ST6GALNAC3: variants seen among roughly 807,000 people sequenced by gnomAD.
ST6GALNAC3 encodes the protein alpha-N-acetylgalactosaminide alpha-2,6-sialyltransferase 3.
Under a neutral mutation model 32.7 loss-of-function variants are expected in ST6GALNAC3, and 25 were observed. The ratio of observed to expected loss-of-function variants is 0.76; its 90% confidence interval spans 0.56 to 1.07. ST6GALNAC3 has a LOEUF of 1.07. ST6GALNAC3 is among the 50% of genes least tolerant of loss of function. The probability of loss-of-function intolerance (pLI) is 0.00; values close to 1 mark genes in which losing one functional copy is unlikely to be tolerated. For missense variants in ST6GALNAC3, 355 were observed against 382.4 expected (o/e 0.93, Z 0.60); for synonymous variants, 129 against 133.1 (o/e 0.97, Z 0.21).
chr1:76,413,462 A>C lies in ST6GALNAC3; in HGVS notation c.623+1045A>C, dbSNP rs540697071. Among the ~76,000 whole-genome samples the C allele has an allele frequency of 1.3e-5, 2 of 152,296 alleles. 1 individual carries two copies. The highest frequency in any genetic ancestry group is 4.1e-4 in the South Asian group (2 of 4,832). On this transcript the variant is annotated intron_variant, in intron 3 of 4. Transcript: ENST00000328299. ...TGTATTTCACTATTCAATATTATCA[A>C]ATCTAAGCTTTTAACTATATTGAGC...
intron 3 of ST6GALNAC3, among the ~76,000 whole-genome samples, chr1:76,496,957 G>C (rs72678076): frequency 0.14 from 20,631 of 152,166 alleles, 1,983 homozygotes; most frequent in South Asian, 0.38. Context: ...CTGCCCTCTG[G>C]CTTCTTCAAA....
At chr1:76,109,875 G>A (rs1040651696) in intron 1 of ST6GALNAC3, among the ~76,000 whole-genome samples, 1 of 152,152 alleles carries the variant, frequency 6.6e-6, no homozygotes, top group African/African-American at 2.4e-5. Flanking sequence ...GTTTAGGTTT[G>A]CCCTTCTATT....
At chr1:76,398,323 T>G (rs1022026093) in intron 2 of ST6GALNAC3, among the ~76,000 whole-genome samples, 11 of 152,204 alleles carry the variant, frequency 7.2e-5, no homozygotes, top group Non-Finnish European at 1.5e-4. Flanking sequence ...ATATTTGTCA[T>G]AGAACACTGT....
intron 2 of ST6GALNAC3, among the ~76,000 whole-genome samples, chr1:76,323,248 A>G (rs1398109651): frequency 6.6e-6 from 1 of 152,222 alleles, no homozygotes; most frequent in Non-Finnish European, 1.5e-5. Flanking sequence ...CAAAAATAAA[A>G]TATCTCTGAA....
chr1:76,524,158 A>G (rs1228935870), intron 3 of ST6GALNAC3, among the ~76,000 whole-genome samples: 2 of 152,152 alleles, frequency 1.3e-5, no homozygotes, highest in African/African-American at 2.4e-5. Flanking sequence ...AAGCCTGCCA[A>G]TCTGTTCTTA....
chr1:76,224,814 C>G (rs936876246), intron 1 of ST6GALNAC3, among the ~76,000 whole-genome samples: 2 of 152,162 alleles, frequency 1.3e-5, no homozygotes, highest in Non-Finnish European at 2.9e-5. Context: ...CACCAAGTGA[C>G]TTTGGCAGGT....
chr1:76,149,243 G>A (rs1379974771), intron 1 of ST6GALNAC3, among the ~76,000 whole-genome samples: 2 of 152,128 alleles, frequency 1.3e-5, no homozygotes, highest in African/African-American at 4.8e-5. Context: ...GACATGTGGG[G>A]TTTTTCCTTA....
Position 76,572,942 on chromosome 1 carries a change from T to C in ST6GALNAC3, c.624-54510T>C, listed in dbSNP as rs563106089. ...TCACTAAGGACGAAAATGAAATTGC[T>C]TGTCTTATCAGTTAAAGGGAAGCTT... On this transcript the variant is annotated intron_variant, in intron 3 of 4. Coordinates refer to ENST00000328299, the MANE Select transcript of ST6GALNAC3 (RefSeq NM_152996.4). Among the ~76,000 whole-genome samples, 6 of 152,278 alleles carry C rather than the reference T, an allele frequency of 3.9e-5. No homozygotes were observed. In the South Asian group the frequency reaches 1.2e-3, roughly 32 times the overall value.
chr1:76,089,099 G>A (rs1178647656), intron 1 of ST6GALNAC3, among the ~76,000 whole-genome samples: 1 of 152,152 alleles, frequency 6.6e-6, no homozygotes, highest in African/African-American at 2.4e-5. Flanking sequence ...CACAATCTTG[G>A]TTCACTGCAA....
chr1:76,185,423 T>G, intron 1 of ST6GALNAC3, among the ~76,000 whole-genome samples: 1 of 152,194 alleles, frequency 6.6e-6, no homozygotes, highest in East Asian at 1.9e-4. Context: ...TTCTTTATTT[T>G]GTTCTTAAAA....
At chr1:76,183,942 A>T (rs1292360286) in intron 1 of ST6GALNAC3, among the ~76,000 whole-genome samples, 3 of 149,888 alleles carry the variant, frequency 2.0e-5, no homozygotes, top group Admixed American at 2.0e-4. Context: ...ATACATATAC[A>T]TAAATACATA....
chr1:76,507,957 T>C (rs1661581175), intron 3 of ST6GALNAC3, among the ~76,000 whole-genome samples: 1 of 152,222 alleles, frequency 6.6e-6, no homozygotes, highest in South Asian at 2.1e-4. Context: ...TTGTCTTTTT[T>C]ATTATAGCCA....
intron 1 of ST6GALNAC3, among the ~76,000 whole-genome samples, chr1:76,227,370 T>C (rs1279952875): frequency 2.6e-5 from 4 of 152,180 alleles, no homozygotes; most frequent in East Asian, 1.9e-4. Flanking sequence ...ATCTTTCTTG[T>C]GGAATTGAGC....
chr1:76,112,836 C>A (rs572833347), intron 1 of ST6GALNAC3, among the ~76,000 whole-genome samples: 1 of 151,570 alleles, frequency 6.6e-6, no homozygotes, highest in African/African-American at 2.4e-5. Flanking sequence ...GGGGCAGAGA[C>A]GCTCCTCACT....
At position 76,158,978 on chromosome 1, in the gene ST6GALNAC3, T is replaced by C. The variant is rs373044507; in HGVS notation, c.18+84094T>C. Among the ~76,000 whole-genome samples, 49 of 152,250 alleles carry C rather than the reference T, an allele frequency of 3.2e-4. No individual in the cohort carries two copies. In the East Asian group the frequency reaches 8.1e-3, roughly 25 times the overall value. On this transcript the variant is annotated intron_variant, in intron 1 of 4. Transcript: ENST00000328299. ...CCCACTCAGGCCCTTCGTCATGTCA[T>C]GTATCCAGGGTTCTCTCCAATGTGC...
intron 3 of ST6GALNAC3, among the ~76,000 whole-genome samples, chr1:76,429,487 C>T (rs917285596): frequency 5.9e-5 from 9 of 152,114 alleles, no homozygotes; most frequent in African/African-American, 2.2e-4. Flanking sequence ...ATCACTTTTC[C>T]TCCACTGACA....
At chr1:76,572,113 C>CT (rs1213688864) in intron 3 of ST6GALNAC3, among the ~76,000 whole-genome samples, 7 of 145,632 alleles carry the variant, frequency 4.8e-5, no homozygotes, top group African/African-American at 1.7e-4. Flanking sequence ...TGCTATCATT[C>CT]CTTTTTTTTC....
At chr1:76,541,460 G>A (rs1051327465) in intron 3 of ST6GALNAC3, among the ~76,000 whole-genome samples, 2 of 152,136 alleles carry the variant, frequency 1.3e-5, no homozygotes, top group Non-Finnish European at 2.9e-5. Flanking sequence ...TCTCCACACC[G>A]CATCTTCCTC....
chr1:76,242,429 T>G (rs571438557), intron 1 of ST6GALNAC3, among the ~76,000 whole-genome samples: 13 of 152,088 alleles, frequency 8.5e-5, no homozygotes, highest in Non-Finnish European at 1.6e-4. Flanking sequence ...GCCAGATACC[T>G]TCTTTTCCTT....
Sources: gnomAD v4.1 joint callset for allele counts (sites outside exome capture counted in the v4.1 genomes callset) on GRCh38, gnomAD v4.1.1 for gene constraint, MANE v1.5 for transcripts, NCBI Gene and HGNC (gene_info 2026-07-23, HGNC 2026-07-21) for gene names.